The following NR3C1 variants were observed in gnomAD, a reference collection of about 807,000 sequenced individuals.
The protein encoded by NR3C1 is glucocorticoid receptor.
Under a neutral mutation model 74.0 loss-of-function variants are expected in NR3C1, and 14 were observed. That is an observed-to-expected ratio of 0.19 (90% CI 0.12 to 0.30). The LOEUF is 0.30. NR3C1 is among the 10% of genes least tolerant of loss of function. The pLI is 1.00. For missense variants in NR3C1, 695 were observed against 909.8 expected (o/e 0.76, Z 3.04); for synonymous variants, 308 against 332.5 (o/e 0.93, Z 0.80).
chr5:143,315,891 C>A (rs1821972841), intron 2 of NR3C1, among the ~76,000 whole-genome samples: 1 of 152,164 alleles, frequency 6.6e-6, no homozygotes, highest in African/African-American at 2.4e-5. Context: ...CTGAATCTTG[C>A]CAACTGCCTG....
At chr5:143,361,396 T>G (rs1382875787) in intron 2 of NR3C1, among the ~76,000 whole-genome samples, 1 of 152,214 alleles carries the variant, frequency 6.6e-6, no homozygotes, top group African/African-American at 2.4e-5. Context: ...TCCATTGATT[T>G]CTCTAAAATA....
rs966985372 is a variant in NR3C1, at chr5:143,282,558, T to A, written c.2181+10A>T. 1.2e-6 allele frequency: 2 copies of A among 1,613,756 alleles called. No homozygotes were observed. The highest frequency in any genetic ancestry group is 1.7e-6 in the Non-Finnish European group (2 of 1,179,766). On this transcript the variant is annotated intron_variant, in intron 8 of 8. Transcript: ENST00000394464. Reference sequence around the variant, plus strand: ...AAACTCTTATATTTGGCTTTATGTTTGACACTTACTTCATGCATAGAATCC... The same window carrying A: ...AAACTCTTATATTTGGCTTTATGTTAGACACTTACTTCATGCATAGAATCC...
chr5:143,316,865 G>A (rs1054956473), intron 2 of NR3C1, among the ~76,000 whole-genome samples: 41 of 152,074 alleles, frequency 2.7e-4, no homozygotes, highest in Admixed American at 9.2e-4. Flanking sequence ...TCCTAGGACC[G>A]TATTCCCAAA....
chr5:143,295,367 A>G, intron 7 of NR3C1, 93 bp downstream of exon 7: 1 of 1,516,446 alleles, frequency 6.6e-7, no homozygotes, highest in South Asian at 1.2e-5. Flanking sequence ...TAGACTTGGT[A>G]TAATTATTAG....
At chr5:143,351,382 C>T (rs1043215391) in intron 2 of NR3C1, among the ~76,000 whole-genome samples, 3 of 152,048 alleles carry the variant, frequency 2.0e-5, no homozygotes, top group African/African-American at 4.8e-5. Flanking sequence ...ATTCCAAACA[C>T]CTATCTTTAT....
At chr5:143,285,941 A>G (rs1814318462) in intron 7 of NR3C1, among the ~76,000 whole-genome samples, 1 of 151,324 alleles carries the variant, frequency 6.6e-6, no homozygotes, top group Non-Finnish European at 1.5e-5. Flanking sequence ...AAACATTGGT[A>G]AAACTGAAAA....
rs1421087791 is a variant in NR3C1, at chr5:143,279,014, A to G, written c.*2875T>C. 5.5e-5 allele frequency: 15 copies of G among 272,164 alleles called. No homozygotes were observed. The East Asian group carries it at 1.7e-3, about 32-fold the overall frequency. The allele number at this position is 272,164 out of a possible 1,614,324, so 16.9% of individuals were successfully genotyped here. ...TATAGTATCCCACAGAATACCTACA[A>G]ACACTAAAAATACTTTTCAGGATTT... On this transcript the variant is annotated 3_prime_UTR_variant, in exon 9 of 9. Transcript: ENST00000394464.
At chr5:143,332,842 T>A in intron 2 of NR3C1, 1 of 1,457,330 alleles carries the variant, frequency 6.9e-7, no homozygotes, top group South Asian at 1.1e-5. Context: ...CTAAAGAAAA[T>A]TTTTAGTGGT....
upstream of NR3C1, chr5:143,403,938 C>T: frequency 2.0e-6 from 2 of 984,700 alleles, no homozygotes; most frequent in Non-Finnish European, 2.4e-6. Context: ...GCCCCCCGCC[C>T]CCAACTCCCC....
intron 2 of NR3C1, among the ~76,000 whole-genome samples, chr5:143,333,459 G>T (rs1240144736): frequency 3.3e-5 from 5 of 152,068 alleles, no homozygotes; most frequent in African/African-American, 1.2e-4. Context: ...TAGGCTTAAA[G>T]ATGTCGAGTA....
intron 2 of NR3C1, among the ~76,000 whole-genome samples, chr5:143,394,076 AAATT>A (rs1838772428): frequency 6.6e-6 from 1 of 151,990 alleles, no homozygotes; most frequent in African/African-American, 2.4e-5. Flanking sequence ...AATGAAAAAA[AAATT>A]ATAAAACAAC....
At chr5:143,392,115 G>C (rs1027461275) in intron 2 of NR3C1, among the ~76,000 whole-genome samples, 3 of 152,036 alleles carry the variant, frequency 2.0e-5, no homozygotes, top group Non-Finnish European at 2.9e-5. Flanking sequence ...ACAGGCACCA[G>C]CCACCATGCC....
At chr5:143,377,569 T>C (rs1262493001) in intron 2 of NR3C1, among the ~76,000 whole-genome samples, 1 of 152,254 alleles carries the variant, frequency 6.6e-6, no homozygotes, top group Non-Finnish European at 1.5e-5. Flanking sequence ...ACAGGCTCCT[T>C]TGAGGTCAGA....
chr5:143,419,777 G>T (rs1473977826), intron 1 of NR3C1, among the ~76,000 whole-genome samples: 2 of 152,174 alleles, frequency 1.3e-5, no homozygotes, highest in South Asian at 2.1e-4. Flanking sequence ...GGGCACCATT[G>T]TCTTTGATAA....
At chr5:143,330,691 C>T (rs933160457) in intron 2 of NR3C1, among the ~76,000 whole-genome samples, 1 of 152,098 alleles carries the variant, frequency 6.6e-6, no homozygotes, top group Non-Finnish European at 1.5e-5. Context: ...GCTCCAAAGT[C>T]TAAGAGAAGT....
chr5:143,368,965 G>A (rs1202520294), intron 2 of NR3C1, among the ~76,000 whole-genome samples: 1 of 152,084 alleles, frequency 6.6e-6, no homozygotes, highest in East Asian at 1.9e-4. Flanking sequence ...TACTAGATTA[G>A]TTCTCTTCCT....
intron 4 of NR3C1, among the ~76,000 whole-genome samples, chr5:143,306,146 TC>T (rs1288424946): frequency 6.6e-6 from 1 of 152,168 alleles, no homozygotes; most frequent in Admixed American, 6.5e-5. Flanking sequence ...TCTTATCTGT[TC>T]TTAAATGCTA....
At chr5:143,387,151 A>G (rs962075434) in intron 2 of NR3C1, among the ~76,000 whole-genome samples, 1 of 152,196 alleles carries the variant, frequency 6.6e-6, no homozygotes. Flanking sequence ...TTCTCAGGGA[A>G]CAGAAACTTA....
At chr5:143,368,380 C>T (rs1017699212) in intron 2 of NR3C1, among the ~76,000 whole-genome samples, 1 of 151,982 alleles carries the variant, frequency 6.6e-6, no homozygotes, top group Admixed American at 6.6e-5. Flanking sequence ...ATAAATTGGA[C>T]TTCATAAAAA....
Sources: allele counts gnomAD v4.1 joint callset (sites outside exome capture counted in the v4.1 genomes callset), GRCh38; gene constraint gnomAD v4.1.1; transcripts MANE v1.5; gene names NCBI Gene and HGNC (gene_info 2026-07-23, HGNC 2026-07-21).